Variants in FAM20C observed in about 807,000 individuals in gnomAD.
FAM20C encodes the protein FAM20C golgi associated secretory pathway kinase, also known as extracellular serine/threonine protein kinase FAM20C.
In FAM20C, 40 loss-of-function variants were observed where a neutral mutation model predicts 51.5. The ratio of observed to expected loss-of-function variants is 0.78; its 90% CI spans 0.60 to 1.01. The LOEUF is 1.01. FAM20C is among the 50% of genes least tolerant of loss of function. FAM20C has a pLI of 0.00. For missense variants in FAM20C, 861 were observed against 844.7 expected (o/e 1.02, Z -0.24); for synonymous variants, 406 against 380.6 (o/e 1.07, Z -0.78).
At position 256,700 on chromosome 7, in the gene FAM20C, C is replaced by T; in HGVS notation, c.1300C>T (p.Pro434Ser). The T allele has an allele frequency of 6.5e-7, 1 of 1,536,122 alleles. No individual in the cohort carries two copies. The highest frequency in any genetic ancestry group is 1.2e-5 in the South Asian group (1 of 84,066). ...DYCEEVKQTP[P>S]YDSSHRILDV... is the part of the protein sequence containing the mutation. ...CTGCGAGGAGGTGAAGCAGACACCG[C>T]CCTACGACAGCAGCCACCGCATCCT... is the stretch of plus-strand genomic sequence containing the variant. Residue 434 changes from proline to serine, a missense_variant, in exon 7 of 10, where the codon CCC (proline) becomes TCC (serine). By Grantham distance (74) the Pro-to-Ser change is moderately conservative (BLOSUM62 -1). Coordinates refer to ENST00000313766, the MANE Select transcript of FAM20C (RefSeq NM_020223.4).
chr7:259,764 C>T lies in FAM20C; in HGVS notation c.1539C>T (p.Leu513=), dbSNP rs1788808056. The change falls in exon 10 of 10, where the codon CTC becomes CTT. Residue 513 remains leucine (L), a synonymous_variant. Coordinates refer to ENST00000313766, the MANE Select transcript of FAM20C (RefSeq NM_020223.4). ...AGTCCACCTACCTGCGTCTGCAGCTCCTGGCCAAGGAGGAGTACAAGCTGA... is the reference window on the plus strand; with the variant it reads ...AGTCCACCTACCTGCGTCTGCAGCTTCTGGCCAAGGAGGAGTACAAGCTGA... ...IRKSTYLRLQ[L]LAKEEYKLSL... is the part of the protein sequence containing the mutation. The T allele has an allele frequency of 6.5e-7, 1 of 1,536,624 alleles. No homozygotes were observed. The highest frequency in any genetic ancestry group is 8.7e-7 in the Non-Finnish European group (1 of 1,146,650).
rs71265357 is a variant in FAM20C at position 206,807 on chromosome 7, C to T, written c.785-2091C>T. ...GGCCCCGCACACGTGTCCACTGTGA[C>T]GCGTCGGTCACTGTCCCCTCGGCCC... On this transcript the variant is annotated intron_variant, in intron 2 of 9. Transcript: ENST00000313766. Among the ~76,000 whole-genome samples the T allele has an allele frequency of 7.4e-5, 4 of 54,382 alleles. 1 individual carries two copies. Among genetic ancestry groups the T allele is most frequent in the African/African-American group, 1.7e-4 (2 of 11,984 alleles). The allele number at this position is 54,382 out of a possible 152,430, so 35.7% of individuals were successfully genotyped here. A position where few individuals can be genotyped will look rare whatever the true frequency, so the allele number is the denominator to read the frequency against.
intron 5 of FAM20C, among the ~76,000 whole-genome samples, chr7:252,599 G>A (rs889431840): frequency 7.2e-5 from 11 of 152,202 alleles, no homozygotes; most frequent in African/African-American, 2.4e-4. Flanking sequence ...TGACCCTCCC[G>A]TGGGGTCAAT....
intron 3 of FAM20C, among the ~76,000 whole-genome samples, chr7:214,142 A>G (rs1435816842): frequency 6.6e-6 from 1 of 152,176 alleles, no homozygotes; most frequent in African/African-American, 2.4e-5. Context: ...CCTGACCCAC[A>G]TGGTGAAACC....
At chr7:256,327 G>A (rs552583815) in intron 6 of FAM20C, 11 of 573,002 alleles carry the variant, frequency 1.9e-5, no homozygotes, top group African/African-American at 5.6e-5. Context: ...TCACTCCTGC[G>A]GGAGAAACGG....
At chr7:235,202 A>G (rs1787812353) in intron 3 of FAM20C, among the ~76,000 whole-genome samples, 1 of 151,980 alleles carries the variant, frequency 6.6e-6, no homozygotes, top group African/African-American at 2.4e-5. Context: ...AGGCTGTGGC[A>G]TTTTCAAACT....
At chr7:242,976 C>T (rs1037968406) in intron 3 of FAM20C, among the ~76,000 whole-genome samples, 143 of 151,978 alleles carry the variant, frequency 9.4e-4, no homozygotes, top group African/African-American at 3.1e-3. Flanking sequence ...CTGTGCCACC[C>T]GGGATACCTG....
In FAM20C at chr7:259,788, G is replaced by C; in HGVS notation, c.1563G>C (p.Leu521=). ...LQLLAKEEYK[L]SLLMAESLRG... The stretch of plus-strand genomic sequence containing the variant: ...TCCTGGCCAAGGAGGAGTACAAGCT[G>C]AGCCTGCTGATGGCCGAGTCTCTGC... The change falls in exon 10 of 10, where the codon CTG becomes CTC. Residue 521 remains leucine, a synonymous_variant. Transcript: ENST00000313766. 1 of 1,536,760 alleles carries C rather than the reference G, an allele frequency of 6.5e-7. No individual in the cohort carries two copies. Among genetic ancestry groups the C allele is most frequent in the Non-Finnish European group, 8.7e-7 (1 of 1,146,882 alleles).
chr7:216,704 A>AGTGTGTGT lies in FAM20C; in HGVS notation c.863+7729_863+7730insTGTGTGTG, dbSNP rs1491279755. Among the ~76,000 whole-genome samples the AGTGTGTGT allele has an allele frequency of 5.4e-5, 6 of 111,554 alleles. 2 individuals are homozygous for AGTGTGTGT. In the East Asian group the frequency reaches 1.9e-3, roughly 35 times the overall value. 73.2% of individuals were successfully genotyped at this position (111,554 alleles called of 152,430 possible). On this transcript the variant is annotated intron_variant, in intron 3 of 9. Coordinates refer to ENST00000313766, the MANE Select transcript of FAM20C (RefSeq NM_020223.4). ...GTGAGAGTGTGTGTGTGTGTGAGAC[A>AGTGTGTGT]GAGTGTGTGTGTGTGTGTGTGTCCG...
At chr7:231,160 G>A (rs954640233) in intron 3 of FAM20C, among the ~76,000 whole-genome samples, 9 of 152,162 alleles carry the variant, frequency 5.9e-5, no homozygotes, top group African/African-American at 1.9e-4. Flanking sequence ...GAAGGCTGGC[G>A]TGGCCGACCC....
chr7:223,980 T>C (rs28698278), intron 3 of FAM20C, among the ~76,000 whole-genome samples: 69,339 of 151,010 alleles, frequency 0.46, 16,402 homozygotes, highest in South Asian at 0.61. Context: ...CCGTCCTGTG[T>C]CTGCCCCGGG....
intron 2 of FAM20C, among the ~76,000 whole-genome samples, chr7:201,104 C>G (rs1786108689): frequency 6.6e-6 from 1 of 152,226 alleles, no homozygotes; most frequent in Admixed American, 6.5e-5. Context: ...GTGTCACATT[C>G]TCCACATCTG....
chr7:209,101 C>T, intron 3 of FAM20C, 125 bp downstream of exon 3: 1 of 896,712 alleles, frequency 1.1e-6, no homozygotes, highest in Non-Finnish European at 1.7e-6. Flanking sequence ...TGGGTGACCA[C>T]TCTCAACTCT....
At chr7:206,611 C>T (rs77728817) in intron 2 of FAM20C, among the ~76,000 whole-genome samples, 11,018 of 47,652 alleles carry the variant, frequency 0.23, 953 homozygotes, top group East Asian at 0.3. Flanking sequence ...CACTGTGACG[C>T]GTCTGTCATG....
chr7:232,790 C>T (rs1331920339), intron 3 of FAM20C, among the ~76,000 whole-genome samples: 3 of 152,222 alleles, frequency 2.0e-5, no homozygotes, highest in Admixed American at 6.5e-5. Flanking sequence ...GGATCGTGTG[C>T]GTTGCAGGAC....
At chr7:215,035 T>C (rs1212022146) in intron 3 of FAM20C, among the ~76,000 whole-genome samples, 1 of 151,986 alleles carries the variant, frequency 6.6e-6, no homozygotes, top group Non-Finnish European at 1.5e-5. Flanking sequence ...AGGTGCTGCC[T>C]AAACACTCCT....
chr7:206,489 CTG>C (rs1786390222), intron 2 of FAM20C, among the ~76,000 whole-genome samples: 1 of 151,742 alleles, frequency 6.6e-6, no homozygotes, highest in Non-Finnish European at 1.5e-5. Context: ...CCCCTCGGCC[CTG>C]CACACGTGTC....
Position 257,392 on chromosome 7 carries a change from A to G in FAM20C, c.1445+306A>G, listed in dbSNP as rs188634733. The G allele has an allele frequency of 8.8e-3, 3,278 of 371,686 alleles. 19 individuals are homozygous for G. Among genetic ancestry groups the G allele is most frequent in the Non-Finnish European group, 0.012 (2,516 of 203,176 alleles). The allele number at this position is 371,686 out of a possible 1,614,324, so 23.0% of individuals were successfully genotyped here. A position where few individuals can be genotyped will look rare whatever the true frequency, so the allele number is the denominator to read the frequency against. On this transcript the variant is annotated intron_variant, in intron 8 of 9. Coordinates refer to ENST00000313766, the MANE Select transcript of FAM20C (RefSeq NM_020223.4). ...TGGTAGGAAGAGCAGGACCGTGCAG[A>G]ATAGATGGGCCTCTGCCTGCACGCG...
rs369178951 is a variant in FAM20C at position 258,289 on chromosome 7, G to A, written c.1446-357G>A. Reference sequence around the variant, plus strand: ...ATAGGCAGGGTGGACCCACTGCCTGGGGTGCTGGAGATGGGTGGGATGGAC... The same window carrying A: ...ATAGGCAGGGTGGACCCACTGCCTGAGGTGCTGGAGATGGGTGGGATGGAC... On this transcript the variant is annotated intron_variant, in intron 8 of 9. Coordinates refer to ENST00000313766, the MANE Select transcript of FAM20C (RefSeq NM_020223.4). Among the ~76,000 whole-genome samples, 371 of 98,774 alleles carry A rather than the reference G, an allele frequency of 3.8e-3. 9 individuals are homozygous for A. Among genetic ancestry groups the A allele is most frequent in the Middle Eastern group, 6.8e-3 (1 of 146 alleles). 64.8% of individuals were successfully genotyped at this position (98,774 alleles called of 152,430 possible). A position where few individuals can be genotyped will look rare whatever the true frequency, so the allele number is the denominator to read the frequency against.
Sources: allele counts gnomAD v4.1 joint callset (sites outside exome capture counted in the v4.1 genomes callset), GRCh38; gene constraint gnomAD v4.1.1; transcripts MANE v1.5; gene names NCBI Gene and HGNC (gene_info 2026-07-23, HGNC 2026-07-21).